The following CHM variants were observed in gnomAD, a reference collection of about 807,000 sequenced individuals.
CHM encodes CHM Rab escort protein.
Under a neutral mutation model 49.0 loss-of-function variants are expected in CHM, and 10 were observed. That is an observed-to-expected ratio of 0.20 (90% CI 0.13 to 0.35). The LOEUF is 0.35. Among genes scored for constraint, CHM ranks in the 10% least tolerant of loss-of-function variants. CHM has a pLI of 1.00. For synonymous variants in CHM, 184 were observed against 167.5 expected (o/e 1.10, Z -0.76); for missense variants, 455 against 478.4 (o/e 0.95, Z 0.46).
chrX:86,047,195 G>C (rs113823137), intron 1 of CHM: 229 of 395,635 alleles, frequency 5.8e-4, no homozygotes, highest in African/African-American at 5.2e-3. Context: ...TCATGACACT[G>C]CACATCCACT....
intron 8 of CHM, among the ~76,000 whole-genome samples, chrX:85,950,423 A>T (rs1242237304): frequency 9.0e-6 from 1 of 110,969 alleles, no homozygotes; most frequent in Non-Finnish European, 1.9e-5. Context: ...ATGAAAGATA[A>T]TATTGAAGAA....
intron 4 of CHM, among the ~76,000 whole-genome samples, chrX:85,977,345 G>A (rs1004957128): frequency 1.3e-4 from 15 of 112,313 alleles, no homozygotes; most frequent in African/African-American, 4.2e-4. Flanking sequence ...GTTCTATTTC[G>A]TTGTCTTCAA....
intron 4 of CHM, among the ~76,000 whole-genome samples, chrX:85,964,621 C>T (rs1481724914): frequency 3.6e-5 from 4 of 111,698 alleles, no homozygotes; most frequent in East Asian, 2.8e-4. Context: ...CTTGGTGATA[C>T]GACAGAAGAC....
intron 2 of CHM, among the ~76,000 whole-genome samples, chrX:85,995,606 T>C (rs1932404709): frequency 8.9e-6 from 1 of 112,341 alleles, no homozygotes; most frequent in South Asian, 3.7e-4. Flanking sequence ...GCATGTGACA[T>C]TGGACAAGTT....
intron 9 of CHM, among the ~76,000 whole-genome samples, chrX:85,902,111 G>T (rs190388307): frequency 7.8e-4 from 87 of 111,771 alleles, no homozygotes; most frequent in Non-Finnish European, 1.4e-3. Context: ...TTTGATTATG[G>T]AAATATCAAT....
chrX:86,033,040 A>G (rs766039948), intron 1 of CHM, among the ~76,000 whole-genome samples: 22 of 111,646 alleles, frequency 2.0e-4, no homozygotes, highest in Non-Finnish European at 4.0e-4. Context: ...CTCACCTAAG[A>G]TATTTTACAG....
At chrX:85,969,444 C>T in intron 4 of CHM, 1 of 725,972 alleles carries the variant, frequency 1.4e-6, no homozygotes, top group Non-Finnish European at 1.6e-6. Context: ...TTTTATTTCC[C>T]CACATAAACT....
chrX:86,022,515 T>C (rs1257169041), intron 2 of CHM, among the ~76,000 whole-genome samples: 1 of 111,452 alleles, frequency 9.0e-6, no homozygotes, highest in African/African-American at 3.3e-5. Flanking sequence ...CCTCTGATTG[T>C]TTCCTTTCAA....
At chrX:86,039,528 A>T (rs1002858853) in intron 1 of CHM, among the ~76,000 whole-genome samples, 10 of 108,649 alleles carry the variant, frequency 9.2e-5, no homozygotes, top group South Asian at 4.0e-4. Context: ...AAAAAAAAAA[A>T]AAGACAGGTG....
At chrX:85,996,142 G>T (rs967251688) in intron 2 of CHM, among the ~76,000 whole-genome samples, 4 of 111,465 alleles carry the variant, frequency 3.6e-5, no homozygotes, top group Non-Finnish European at 7.6e-5. Context: ...TTGCTGTAAA[G>T]AAAATATAAA....
At chrX:85,942,493 T>C (rs1294092497) in intron 8 of CHM, among the ~76,000 whole-genome samples, 5 of 111,890 alleles carry the variant, frequency 4.5e-5, no homozygotes, top group Non-Finnish European at 9.4e-5. Context: ...AAACATTTTG[T>C]AAATAAATTT....
intron 2 of CHM, among the ~76,000 whole-genome samples, chrX:86,016,129 T>C (rs1933289850): frequency 9.1e-6 from 1 of 109,490 alleles, no homozygotes; most frequent in Admixed American, 9.7e-5. Flanking sequence ...TGAGCCTTTG[T>C]CTCAAAAAAT....
intron 3 of CHM, among the ~76,000 whole-genome samples, chrX:85,981,437 T>C (rs1931604604): frequency 9.1e-6 from 1 of 109,458 alleles, no homozygotes; most frequent in Non-Finnish European, 1.9e-5. Context: ...TTTCGCCATG[T>C]TGGCCAGGCT....
chrX:85,882,639 GA>G (rs1263538162), intron 12 of CHM, among the ~76,000 whole-genome samples: 1 of 111,656 alleles, frequency 9.0e-6, no homozygotes, highest in Non-Finnish European at 1.9e-5. Context: ...TGGCATTAAA[GA>G]AATCTTAGTG....
intron 11 of CHM, 126 bp from the exon 12 acceptor site, chrX:85,894,410 C>A: frequency 2.1e-6 from 1 of 473,811 alleles, no homozygotes; most frequent in South Asian, 3.2e-5. Context: ...AAAAATATGG[C>A]TTGTAAGGAT....
At chrX:85,880,439 A>G (rs1259122156) in intron 12 of CHM, among the ~76,000 whole-genome samples, 1 of 111,645 alleles carries the variant, frequency 9.0e-6, no homozygotes, top group African/African-American at 3.3e-5. Context: ...GAGATAATCT[A>G]TCCTGTCTCT....
chrX:85,907,123 C>CT, intron 9 of CHM, among the ~76,000 whole-genome samples: 1 of 111,209 alleles, frequency 9.0e-6, no homozygotes, highest in East Asian at 2.8e-4. Context: ...AAGCGAGACT[C>CT]TGTCTCAAAA....
chrX:85,937,613 G>A (rs1027301448), intron 8 of CHM, among the ~76,000 whole-genome samples: 1 of 109,752 alleles, frequency 9.1e-6, no homozygotes, highest in African/African-American at 3.3e-5. Flanking sequence ...GGAGGCTGAG[G>A]TGGGCAGACC....
chrX:86,018,372 A>G (rs1350423823), intron 2 of CHM, among the ~76,000 whole-genome samples: 1 of 112,555 alleles, frequency 8.9e-6, no homozygotes, highest in Non-Finnish European at 1.9e-5. Flanking sequence ...ATACAAAAAA[A>G]GGTGACAACA....
Sources: allele counts gnomAD v4.1 joint callset (sites outside exome capture counted in the v4.1 genomes callset), GRCh38; gene constraint gnomAD v4.1.1; transcripts MANE v1.5; gene names NCBI Gene and HGNC (gene_info 2026-07-23, HGNC 2026-07-21).